The following SLC9D1 variants were observed in gnomAD, a reference collection of about 807,000 sequenced individuals.
SLC9D1 encodes solute carrier family 9 member D1, also known as putative LAG1-interacting protein.
the SLC9D1 span, chr13:113,496,043 AGAGAGAGAGAGAGGGAGAGG>A: frequency 8.5e-7 from 1 of 1,172,432 alleles, no homozygotes; most frequent in Admixed American, 2.5e-5. Context: ...CTAGAGAGGG[AGAGAGAGAGAGAGGGAGAGG>A]GAGAGAGAGG....
chr13:113,538,521 G>T, the SLC9D1 span, among the ~76,000 whole-genome samples: 8 of 152,356 alleles, frequency 5.3e-5, no homozygotes, highest in Middle Eastern at 3.4e-3. Context: ...TTGGCCAGGG[G>T]AGGGAGCATC....
the SLC9D1 span, among the ~76,000 whole-genome samples, chr13:113,533,140 G>A: frequency 5.9e-5 from 7 of 118,240 alleles, no homozygotes; most frequent in African/African-American, 2.0e-4. Context: ...GCCCTGCAGC[G>A]AGCTCTGAAG....
the SLC9D1 span, among the ~76,000 whole-genome samples, chr13:113,540,037 A>G: frequency 3.3e-5 from 5 of 152,198 alleles, no homozygotes; most frequent in African/African-American, 4.8e-5. Flanking sequence ...GTGTTGCTGC[A>G]AAGGACGTGA....
the SLC9D1 span, among the ~76,000 whole-genome samples, chr13:113,543,156 CCCTACCTCT>C: frequency 1.4e-5 from 1 of 70,822 alleles, no homozygotes; most frequent in Non-Finnish European, 2.6e-5. Context: ...GTGCCCCCCG[CCCTACCTCT>C]GTCCGGACCC....
the SLC9D1 span, among the ~76,000 whole-genome samples, chr13:113,493,806 A>C: frequency 6.6e-6 from 1 of 151,956 alleles, no homozygotes; most frequent in East Asian, 1.9e-4. Context: ...ACTGTTGTCT[A>C]ACACAGTACT....
the SLC9D1 span, among the ~76,000 whole-genome samples, chr13:113,494,867 G>A: frequency 2.5e-3 from 385 of 151,106 alleles, 1 homozygote; most frequent in African/African-American, 8.9e-3. Context: ...TCTGGGCTTC[G>A]ATAACATGGA....
the SLC9D1 span, chr13:113,539,526 A>G: frequency 1.6e-5 from 26 of 1,608,950 alleles, no homozygotes; most frequent in Middle Eastern, 1.6e-4. This position sits in a 1 kb window ranked among gnomAD's most constrained non-coding sequence, Gnocchi z 4.8. Context: ...CCTTCTTTAC[A>G]TTATGATTGT....
chr13:113,517,817 G>T, the SLC9D1 span, among the ~76,000 whole-genome samples: 1 of 151,032 alleles, frequency 6.6e-6, no homozygotes, highest in African/African-American at 2.4e-5. Flanking sequence ...GTGGGTGGAG[G>T]GAAGAGGGGC....
chr13:113,546,749 G>A, the SLC9D1 span, among the ~76,000 whole-genome samples: 2 of 152,192 alleles, frequency 1.3e-5, no homozygotes, highest in East Asian at 1.9e-4. The surrounding 1 kb of genome is among the most constrained non-coding windows in gnomAD (Gnocchi z 7.1). Context: ...CAGCACCGCC[G>A]GCCCCTCTGC....
At chr13:113,516,930 C>T in the SLC9D1 span, among the ~76,000 whole-genome samples, 2 of 152,182 alleles carry the variant, frequency 1.3e-5, no homozygotes, top group Admixed American at 6.5e-5. Context: ...CATTCTTAAC[C>T]TCGGAGCAAG....
the SLC9D1 span, chr13:113,524,205 A>G: frequency 5.7e-5 from 26 of 455,242 alleles, no homozygotes; most frequent in Admixed American, 4.5e-4. Context: ...CCCCGTTAGA[A>G]TTGGATATTT....
At chr13:113,503,471 A>G in the SLC9D1 span, 3 of 1,555,394 alleles carry the variant, frequency 1.9e-6, no homozygotes, top group South Asian at 1.1e-5. Flanking sequence ...GTACAATTAT[A>G]TGGTTTTTCT....
the SLC9D1 span, among the ~76,000 whole-genome samples, chr13:113,549,065 T>C: frequency 3.3e-5 from 5 of 152,180 alleles, no homozygotes; most frequent in African/African-American, 1.2e-4. Flanking sequence ...AAACACAGGC[T>C]AAAGCTGTTA....
the SLC9D1 span, chr13:113,536,654 C>T: frequency 1.9e-3 from 1,623 of 847,528 alleles, 10 homozygotes; most frequent in African/African-American, 0.015. Context: ...CTGGGCAGCC[C>T]TCACCGTGCA....
chr13:113,531,980 C>G, the SLC9D1 span, among the ~76,000 whole-genome samples: 1 of 151,916 alleles, frequency 6.6e-6, no homozygotes, highest in Non-Finnish European at 1.5e-5. Context: ...GTCCCCAGCT[C>G]TCTGCACTGG....
chr13:113,511,270 T>C, the SLC9D1 span, among the ~76,000 whole-genome samples: 1 of 152,228 alleles, frequency 6.6e-6, no homozygotes. Context: ...GTCACTTCAC[T>C]CTGACGTTCA....
chr13:113,537,888 C>T, the SLC9D1 span, among the ~76,000 whole-genome samples: 1 of 151,980 alleles, frequency 6.6e-6, no homozygotes, highest in Non-Finnish European at 1.5e-5. Flanking sequence ...ACCAAGTAGC[C>T]GTGTGTGTGT....
At chr13:113,492,214 A>G in the SLC9D1 span, among the ~76,000 whole-genome samples, 35 of 152,322 alleles carry the variant, frequency 2.3e-4, no homozygotes, top group African/African-American at 6.5e-4. Context: ...GACCTCAAGC[A>G]GTTCGCCCAC....
chr13:113,526,980 T>A, the SLC9D1 span, among the ~76,000 whole-genome samples: 2 of 152,202 alleles, frequency 1.3e-5, no homozygotes, highest in African/African-American at 4.8e-5. Flanking sequence ...TGTGCAGGTG[T>A]GTGGTCCAGG....
Sources: allele counts gnomAD v4.1 joint callset (sites outside exome capture counted in the v4.1 genomes callset), GRCh38; gene constraint gnomAD v4.1.1; non-coding constraint Gnocchi (gnomAD v3.1); transcripts MANE v1.5; gene names NCBI Gene and HGNC (gene_info 2026-07-23, HGNC 2026-07-21).